The following SMARCA4 variants were observed in gnomAD, a reference collection of about 807,000 sequenced individuals.
SMARCA4 encodes the protein SWI/SNF-related matrix-associated actin-dependent regulator of chromatin subfamily A member 4.
In SMARCA4, 31 loss-of-function variants were observed where a neutral mutation model predicts 193.9. The observed-to-expected ratio is 0.16, with a 90% CI of 0.12 to 0.22. SMARCA4 has a LOEUF of 0.22. SMARCA4 is among the 10% of genes least tolerant of loss of function. The pLI is 1.00. For missense variants in SMARCA4, 1,148 were observed against 2,296.0 expected (o/e 0.50, Z 10.22); for synonymous variants, 942 against 933.1 (o/e 1.01, Z -0.17).
In SMARCA4 at chr19:11,061,188, T is replaced by TAAAAAAAAAA. The variant is rs140377414; in HGVS notation, c.4912-588_4912-579dup. On this transcript the variant is annotated intron_variant, in intron 34 of 34. Coordinates refer to ENST00000344626, the MANE Select transcript of SMARCA4 (RefSeq NM_003072.5). Reference sequence around the variant, plus strand: ...GGGCAACAGAGCAAGACCCTGTCTTTAAAAAAAAAAAAAAAAATATATATA... The same window carrying TAAAAAAAAAA: ...GGGCAACAGAGCAAGACCCTGTCTTTAAAAAAAAAAAAAAAAAAAAAAAAAAATATATATA... Among the ~76,000 whole-genome samples the TAAAAAAAAAA allele has an allele frequency of 4.2e-4, 29 of 68,810 alleles. 1 individual carries two copies. The highest frequency in any genetic ancestry group is 2.1e-3 in the African/African-American group (25 of 12,024). 45.1% of individuals were successfully genotyped at this position (68,810 alleles called of 152,430 possible). A position where few individuals can be genotyped will look rare whatever the true frequency, so the allele number is the denominator to read the frequency against.
intron 18 of SMARCA4, chr19:11,021,458 G>C (rs1831118599): frequency 1.2e-5 from 7 of 584,796 alleles, no homozygotes; most frequent in Non-Finnish European, 2.2e-5. Context: ...AGGGAAGCCA[G>C]ATTGCTTTTT....
rs565195744 is a variant in SMARCA4 at position 11,060,308 on chromosome 19, G to A, written c.4911+121G>A. ...CCCACGCTGCAGGTGGGAAAGCTGA[G>A]GCTTGACCTGCCATGGCTGACCCCA... On this transcript the variant is annotated intron_variant, in intron 34 of 34. Transcript: ENST00000344626. 4.6e-3 allele frequency: 5,828 copies of A among 1,261,950 alleles called. 171 individuals are homozygous for A. The South Asian group carries it at 0.048, about 10-fold the overall frequency. 78.2% of individuals were successfully genotyped at this position (1,261,950 alleles called of 1,614,324 possible).
At chr19:11,018,656 C>T (rs1319729437) in intron 16 of SMARCA4, among the ~76,000 whole-genome samples, 6 of 152,242 alleles carry the variant, frequency 3.9e-5, no homozygotes, top group Admixed American at 3.9e-4. Flanking sequence ...CCAGGCTTCC[C>T]CAGCCCTGGC....
At chr19:10,971,490 CT>C (rs59060453) in intron 1 of SMARCA4, among the ~76,000 whole-genome samples, 7,805 of 134,862 alleles carry the variant, frequency 0.058, 238 homozygotes, top group South Asian at 0.12. Context: ...GACATTGTGT[CT>C]TTTTTTTTTT....
rs1323058039 is a variant in SMARCA4 at position 11,030,060 on chromosome 19, C to T, written c.3383-670C>T. On this transcript the variant is annotated intron_variant, in intron 24 of 34. Coordinates refer to ENST00000344626, the MANE Select transcript of SMARCA4 (RefSeq NM_003072.5). This position sits in a 1 kb window ranked among gnomAD's most constrained non-coding sequence, Gnocchi z 5.5. ...CTCCCAGCAGCGCAGGGAGTGTTGA[C>T]ATTGCCTTAATGCCCACAACGCTGA... Among the ~76,000 whole-genome samples the T allele has an allele frequency of 6.6e-6, 1 of 152,164 alleles. No individual in the cohort carries two copies. The highest frequency in any genetic ancestry group is 1.5e-5 in the Non-Finnish European group (1 of 68,030).
chr19:11,001,369 A>T (rs1415930715), intron 11 of SMARCA4, among the ~76,000 whole-genome samples: 1 of 152,160 alleles, frequency 6.6e-6, no homozygotes, highest in Non-Finnish European at 1.5e-5. Context: ...ATTGGGAGCC[A>T]GAGGTAGGCG....
chr19:11,059,897 G>C lies in SMARCA4; in HGVS notation c.4768+12G>C. The C allele has an allele frequency of 1.2e-6, 2 of 1,613,808 alleles. No individual in the cohort carries two copies. The highest frequency in any genetic ancestry group is 8.5e-7 in the Non-Finnish European group (1 of 1,179,996). Reference sequence around the variant, plus strand: ...CTCCGAATCCGAATGTGAGTCCCGGGGGGGTTCAGGACGCCGGGGTTCACG... The same window carrying C: ...CTCCGAATCCGAATGTGAGTCCCGGCGGGGTTCAGGACGCCGGGGTTCACG... On this transcript the variant is annotated intron_variant, in intron 33 of 34. Coordinates refer to ENST00000344626, the MANE Select transcript of SMARCA4 (RefSeq NM_003072.5).
At position 10,986,883 on chromosome 19, in the gene SMARCA4, T is replaced by C. The variant is rs1479148616; in HGVS notation, c.761-22T>C. ...TAAACCTGGGACGCACTGTTTTCTC[T>C]TTTGTTTCTCCCTACATGTAGGTAT... On this transcript the variant is annotated intron_variant, in intron 4 of 34. Coordinates refer to ENST00000344626, the MANE Select transcript of SMARCA4 (RefSeq NM_003072.5). This position sits in a 1 kb window ranked among gnomAD's most constrained non-coding sequence, Gnocchi z 6.7. The C allele has an allele frequency of 1.3e-6, 2 of 1,592,774 alleles. No homozygotes were observed. Among genetic ancestry groups the C allele is most frequent in the Non-Finnish European group, 1.7e-6 (2 of 1,161,092 alleles).
chr19:10,965,653 T>C (rs2145428304), intron 1 of SMARCA4, among the ~76,000 whole-genome samples: 1 of 152,316 alleles, frequency 6.6e-6, no homozygotes, highest in South Asian at 2.1e-4. Flanking sequence ...AGTCCACATG[T>C]AGGCTCTGTG....
intron 30 of SMARCA4, among the ~76,000 whole-genome samples, chr19:11,055,613 G>A (rs2076500605): frequency 6.6e-6 from 1 of 152,096 alleles, no homozygotes; most frequent in South Asian, 2.1e-4. Flanking sequence ...CACTTCCTGG[G>A]CTCTCTGCAT....
chr19:10,993,020 C>T (rs2086694339), intron 8 of SMARCA4, among the ~76,000 whole-genome samples: 2 of 123,886 alleles, frequency 1.6e-5, no homozygotes, highest in Admixed American at 9.0e-5. Flanking sequence ...GAATCTCACT[C>T]TGTTGCCCAG....
chr19:10,978,895 G>A (rs1237559134), intron 1 of SMARCA4, among the ~76,000 whole-genome samples: 3 of 152,068 alleles, frequency 2.0e-5, no homozygotes, highest in Non-Finnish European at 4.4e-5. Flanking sequence ...GTTGCAGTGA[G>A]CCGAGATCAC....
intron 12 of SMARCA4, 32 bp from the exon 13 acceptor site, chr19:11,003,308 G>A (rs2146106405): frequency 6.2e-7 from 1 of 1,610,844 alleles, no homozygotes; most frequent in Non-Finnish European, 8.5e-7. Flanking sequence ...GCTCTGAGCA[G>A]ATTTGTATGA....
intron 34 of SMARCA4, 198 bp downstream of exon 34, chr19:11,060,385 G>A: frequency 1.5e-6 from 1 of 683,254 alleles, no homozygotes; most frequent in African/African-American, 1.8e-5. Context: ...AAGCCTGTGT[G>A]ACCCCGGAAC....
chr19:10,969,902 T>A (rs538152836), intron 1 of SMARCA4, among the ~76,000 whole-genome samples: 2 of 152,324 alleles, frequency 1.3e-5, no homozygotes, highest in Non-Finnish European at 1.5e-5. Flanking sequence ...CCCACTGCAC[T>A]GGATGCTCCT....
At chr19:10,965,551 A>G (rs1398537711) in intron 1 of SMARCA4, among the ~76,000 whole-genome samples, 1 of 152,202 alleles carries the variant, frequency 6.6e-6, no homozygotes, top group Non-Finnish European at 1.5e-5. Context: ...GTTTAACAGC[A>G]GGGATGCATT....
rs2074855901 is a variant in SMARCA4 at position 11,030,580 on chromosome 19, A to G, written c.3383-150A>G. On this transcript the variant is annotated intron_variant, in intron 24 of 34. Coordinates refer to ENST00000344626, the MANE Select transcript of SMARCA4 (RefSeq NM_003072.5). The surrounding 1 kb of genome is among the most constrained non-coding windows in gnomAD (Gnocchi z 5.5). ...AAATCCAGTTATTCGCCAGTGGCCC[A>G]CAGGCCCGTGTGGAGAGTGCGGAGC... The G allele has an allele frequency of 1.4e-6, 1 of 702,648 alleles. No homozygotes were observed. Among genetic ancestry groups the G allele is most frequent in the Admixed American group, 2.3e-5 (1 of 44,386 alleles). 43.5% of individuals were successfully genotyped at this position (702,648 alleles called of 1,614,324 possible).
Position 11,058,737 on chromosome 19 carries a change from G to A in SMARCA4, c.4534-51G>A, listed in dbSNP as rs2076687056. ...CTCCAGCACACAGCCAGGCCTGCGG[G>A]CAGGCGAGGCGGGGTCCTGAGGTAA... On this transcript the variant is annotated intron_variant, in intron 31 of 34. Coordinates refer to ENST00000344626, the MANE Select transcript of SMARCA4 (RefSeq NM_003072.5). This position sits in a 1 kb window ranked among gnomAD's most constrained non-coding sequence, Gnocchi z 5.8. The A allele has an allele frequency of 6.7e-7, 1 of 1,489,778 alleles. No homozygotes were observed. Among genetic ancestry groups the A allele is most frequent in the Non-Finnish European group, 9.4e-7 (1 of 1,067,664 alleles). The allele number at this position is 1,489,778 out of a possible 1,614,324, so 92.3% of individuals were successfully genotyped here. A position where few individuals can be genotyped will look rare whatever the true frequency, so the allele number is the denominator to read the frequency against.
At chr19:10,999,204 C>T (rs543490702) in intron 11 of SMARCA4, among the ~76,000 whole-genome samples, 228 of 152,192 alleles carry the variant, frequency 1.5e-3, no homozygotes, top group South Asian at 3.5e-3. Context: ...CTATGCCTGG[C>T]TATATTTCGT....
Sources: allele counts gnomAD v4.1 joint callset (sites outside exome capture counted in the v4.1 genomes callset), GRCh38; gene constraint gnomAD v4.1.1; non-coding constraint Gnocchi (gnomAD v3.1); transcripts MANE v1.5; gene names NCBI Gene and HGNC (gene_info 2026-07-23, HGNC 2026-07-21).